Variants in RNPEPL1 observed in about 807,000 individuals in gnomAD.
The protein encoded by RNPEPL1 is aminopeptidase RNPEPL1.
A neutral mutation model predicts 69.0 loss-of-function variants in RNPEPL1; 46 were observed. The observed-to-expected ratio is 0.67, with a 90% CI of 0.53 to 0.85. RNPEPL1 has a LOEUF of 0.85. Ranked by LOEUF, RNPEPL1 falls within the 40% of genes least tolerant of loss-of-function variation. RNPEPL1 has a pLI of 0.00. For missense variants in RNPEPL1, 869 were observed against 992.5 expected (o/e 0.88, Z 1.67); for synonymous variants, 525 against 454.1 (o/e 1.16, Z -1.98).
At chr2:240,571,211 G>T (rs2093020469) in intron 1 of RNPEPL1, among the ~76,000 whole-genome samples, 1 of 152,194 alleles carries the variant, frequency 6.6e-6, no homozygotes, top group Non-Finnish European at 1.5e-5. Flanking sequence ...TGCCCAGCAG[G>T]GCCAGGGCAC....
intron 1 of RNPEPL1, among the ~76,000 whole-genome samples, chr2:240,572,076 C>T (rs77985757): frequency 1.3e-3 from 199 of 152,376 alleles, no homozygotes; most frequent in African/African-American, 4.6e-3. Flanking sequence ...CCTCAGTTTC[C>T]CTATGGAAGC....
chr2:240,571,442 G>A (rs774860684), intron 1 of RNPEPL1, among the ~76,000 whole-genome samples: 1 of 152,212 alleles, frequency 6.6e-6, no homozygotes, highest in Non-Finnish European at 1.5e-5. Context: ...CGGCAGAGGG[G>A]AGGGTGGATA....
chr2:240,570,794 G>T (rs1448041076), intron 1 of RNPEPL1, among the ~76,000 whole-genome samples: 1 of 152,190 alleles, frequency 6.6e-6, no homozygotes, highest in Non-Finnish European at 1.5e-5. Flanking sequence ...CCCTGACGGG[G>T]ATTGGTGCCC....
At chr2:240,573,415 C>CCAGGGCCCTGCCTGT (rs957169265) in intron 3 of RNPEPL1, among the ~76,000 whole-genome samples, 154 bp downstream of exon 3, 6 of 152,160 alleles carry the variant, frequency 3.9e-5, no homozygotes, top group Non-Finnish European at 7.4e-5. Context: ...GGTGCCACCG[C>CCAGGGCCCTGCCTGT]CAGGGCCCTG....
chr2:240,574,948 C>T (rs766100237), intron 6 of RNPEPL1, 82 bp from the exon 7 acceptor site: 24 of 1,065,640 alleles, frequency 2.3e-5, no homozygotes, highest in South Asian at 3.8e-5. Context: ...TGCTGCTCCT[C>T]GGAGCCTGAC....
In RNPEPL1 at chr2:240,578,596, G is replaced by C. The variant is rs999741766; in HGVS notation, c.*704G>C. 3 of 152,700 alleles carry C rather than the reference G, an allele frequency of 2.0e-5. No individual in the cohort carries two copies. Among genetic ancestry groups the C allele is most frequent in the East Asian group, 1.9e-4 (1 of 5,292 alleles). The allele number at this position is 152,700 out of a possible 1,614,324, so 9.5% of individuals were successfully genotyped here. A position where few individuals can be genotyped will look rare whatever the true frequency, so the allele number is the denominator to read the frequency against. ...GGGGCAAAGCAATACCCCAGGGAAAGTGGGAGGTGGTGCTGGTGCTCTCTC... is the reference window on the plus strand; with the variant it reads ...GGGGCAAAGCAATACCCCAGGGAAACTGGGAGGTGGTGCTGGTGCTCTCTC... On this transcript the variant is annotated 3_prime_UTR_variant, in exon 11 of 11. Transcript: ENST00000270357.
chr2:240,574,912 T>A, intron 6 of RNPEPL1, 118 bp from the exon 7 acceptor site: 1 of 812,612 alleles, frequency 1.2e-6, no homozygotes, highest in Middle Eastern at 2.3e-4. Flanking sequence ...CATCTGGACA[T>A]GTGAGGGACA....
At chr2:240,571,855 CTTG>C (rs2093022569) in intron 1 of RNPEPL1, among the ~76,000 whole-genome samples, 1 of 152,040 alleles carries the variant, frequency 6.6e-6, no homozygotes. Context: ...CCACTCCCTG[CTTG>C]CTGTCCCCTG....
rs2093012520 is a variant in RNPEPL1 at position 240,568,886 on chromosome 2, G to T, written c.300G>T (p.Thr100=). ...FRRAPAAAAE[T]PCAFAFSAPG... ...GCGCCCCCGCCGCCGCCGCCGAGAC[G>T]CCCTGCGCCTTCGCCTTCTCCGCCC... The change falls in exon 1 of 11, where the codon ACG becomes ACT. Residue 100 remains threonine (T), a synonymous_variant. Transcript: ENST00000270357. This position sits in a 1 kb window ranked among gnomAD's most constrained non-coding sequence, Gnocchi z 6.2. 3 of 1,264,984 alleles carry T rather than the reference G, an allele frequency of 2.4e-6. No homozygotes were observed. The highest frequency in any genetic ancestry group is 3.0e-6 in the Non-Finnish European group (3 of 1,004,916). The allele number at this position is 1,264,984 out of a possible 1,614,324, so 78.4% of individuals were successfully genotyped here. A position where few individuals can be genotyped will look rare whatever the true frequency, so the allele number is the denominator to read the frequency against.
At chr2:240,569,234 C>G (rs1183140018) in intron 1 of RNPEPL1, 120 bp downstream of exon 1, 2 of 1,117,728 alleles carry the variant, frequency 1.8e-6, no homozygotes, top group Non-Finnish European at 2.3e-6. Flanking sequence ...CCCCTCCCCC[C>G]ACCCCGGTGA....
At chr2:240,570,674 C>T (rs539756855) in intron 1 of RNPEPL1, among the ~76,000 whole-genome samples, 6 of 152,280 alleles carry the variant, frequency 3.9e-5, no homozygotes, top group African/African-American at 1.2e-4. Context: ...GGCCCATTCC[C>T]GCACCCCCAC....
intron 10 of RNPEPL1, among the ~76,000 whole-genome samples, 155 bp from the exon 11 acceptor site, chr2:240,577,444 A>G (rs985443468): frequency 6.6e-6 from 1 of 152,100 alleles, no homozygotes; most frequent in Non-Finnish European, 1.5e-5. Context: ...GTGGGAGGCT[A>G]ATGGTAGGCC....
intron 3 of RNPEPL1, 28 bp downstream of exon 3, chr2:240,573,289 G>A (rs2125449254): frequency 1.3e-6 from 2 of 1,544,086 alleles, no homozygotes; most frequent in Non-Finnish European, 1.7e-6. Context: ...GGCCTTCTGG[G>A]GCTGCGCAGG....
Position 240,575,160 on chromosome 2 carries a change from C to T in RNPEPL1, c.1401+18C>T, listed in dbSNP as rs755767323. On this transcript the variant is annotated intron_variant, in intron 7 of 10. Transcript: ENST00000270357. ...TTCTCCGAGTGAGCAGCCCCCTGCC[C>T]GGGACGGCCCTGCTGCCATCTGCCC... The T allele has an allele frequency of 3.8e-6, 6 of 1,594,330 alleles. No individual in the cohort carries two copies. The highest frequency in any genetic ancestry group is 1.7e-5 in the Admixed American group (1 of 60,002).
chr2:240,576,443 A>G, intron 8 of RNPEPL1, 92 bp from the exon 9 acceptor site: 1 of 1,242,186 alleles, frequency 8.1e-7, no homozygotes, highest in Non-Finnish European at 1.1e-6. Context: ...CCTGCCTGGA[A>G]CACACTCAGG....
At chr2:240,572,100 T>C (rs1284763474) in intron 1 of RNPEPL1, among the ~76,000 whole-genome samples, 1 of 152,272 alleles carries the variant, frequency 6.6e-6, no homozygotes, top group Non-Finnish European at 1.5e-5. Flanking sequence ...GATAATGCAA[T>C]GATGGGCTAT....
chr2:240,573,338 C>G, intron 3 of RNPEPL1, 77 bp downstream of exon 3: 5 of 1,448,364 alleles, frequency 3.5e-6, no homozygotes, highest in Non-Finnish European at 4.6e-6. Flanking sequence ...TGGCCTGTGT[C>G]CACGGCTGCC....
At chr2:240,569,912 G>T (rs1458219708) in intron 1 of RNPEPL1, among the ~76,000 whole-genome samples, 4 of 152,212 alleles carry the variant, frequency 2.6e-5, no homozygotes, top group Admixed American at 6.5e-5. Context: ...TGGTCGAGAG[G>T]CTTCAGGCCA....
chr2:240,568,518 CCGCCCGG>C lies in RNPEPL1; in HGVS notation c.-63_-57del. 1.3e-6 allele frequency: 1 copy of C among 797,392 alleles called. No homozygotes were observed. Among genetic ancestry groups the C allele is most frequent in the Non-Finnish European group, 1.5e-6 (1 of 661,642 alleles). 49.4% of individuals were successfully genotyped at this position (797,392 alleles called of 1,614,324 possible). A position where few individuals can be genotyped will look rare whatever the true frequency, so the allele number is the denominator to read the frequency against. ...TTGTGCCCGCGCCCCGCCGCCGCCG[CCGCCCGG>C]CGCCCCTCGCCCGCGGCCCGGCGCG... On this transcript the variant is annotated 5_prime_UTR_variant, in exon 1 of 11. Transcript: ENST00000270357. The surrounding 1 kb of genome is among the most constrained non-coding windows in gnomAD (Gnocchi z 6.2).
Sources: allele counts gnomAD v4.1 joint callset (sites outside exome capture counted in the v4.1 genomes callset), GRCh38; gene constraint gnomAD v4.1.1; non-coding constraint Gnocchi (gnomAD v3.1); transcripts MANE v1.5; gene names NCBI Gene and HGNC (gene_info 2026-07-23, HGNC 2026-07-21).